The following ZNF320 variants were observed in gnomAD, a reference collection of about 807,000 sequenced individuals.
ZNF320 encodes zinc finger protein 320.
A neutral mutation model predicts 6.8 loss-of-function variants in ZNF320; 2 were observed. That is an observed-to-expected ratio of 0.29 (90% CI 0.12 to 0.93). The LOEUF (loss-of-function observed/expected upper bound fraction) is 0.93, where lower values mean the gene tolerates loss of function less well. Ranked by LOEUF, ZNF320 falls within the 40% of genes least tolerant of loss-of-function variation. The pLI, the probability that ZNF320 is intolerant of heterozygous loss-of-function variation, is 0.55. For synonymous variants in ZNF320, 208 were observed against 203.2 expected, an observed-to-expected ratio of 1.02 and a Z score of -0.20; for missense variants, 472 against 611.0, an observed-to-expected ratio of 0.77 and a Z score of 2.40.
exon 6 of ZNF320, chr19:52,864,106 T>C: frequency 2.9e-6 from 1 of 344,324 alleles, no homozygotes; most frequent in Non-Finnish European, 5.7e-6. Flanking sequence ...GGTCCAGGCG[T>C]TTCCACTCCA....
chr19:52,892,467 G>A (rs1466195306), intron 2 of ZNF320, among the ~76,000 whole-genome samples: 2 of 151,876 alleles, frequency 1.3e-5, no homozygotes, highest in Admixed American at 1.3e-4. Context: ...GAAAACATGG[G>A]TGGCCAGATA....
chr19:52,862,818 T>G (rs1334732053), exon 6 of ZNF320: 1 of 349,660 alleles, frequency 2.9e-6, no homozygotes, highest in African/African-American at 2.1e-5. Flanking sequence ...GAAAACGTTG[T>G]CACATTCTTT....
chr19:52,898,329 A>T (rs2064532822), upstream of ZNF320, among the ~76,000 whole-genome samples: 1 of 152,116 alleles, frequency 6.6e-6, no homozygotes, highest in Admixed American at 6.5e-5. Context: ...CCTCCTGCTT[A>T]AACACAGCAG....
chr19:52,880,614 T>C lies in ZNF320; in HGVS notation c.1512A>G (p.Lys504=), dbSNP rs756197597. Residue 504 remains lysine, a synonymous_variant, in exon 6 of 6, where the codon AAA becomes AAG. Transcript: ENST00000682928. The part of the protein sequence containing the change: ...DNCFKCNEYS[K]PSSIN ...TCTGATGTCAATTAATGCTTGATGG[T>C]TTGCTATACTCATTGCACTTGAAAC... 2.5e-6 allele frequency: 4 copies of C among 1,601,864 alleles called. No individual in the cohort carries two copies. The South Asian group carries it at 3.4e-5, about 14-fold the overall frequency.
Position 52,877,883 on chromosome 19 carries a change from C to G in ZNF320, c.*2713G>C, listed in dbSNP as rs1276787761. On this transcript the variant is annotated 3_prime_UTR_variant, in exon 6 of 6. Transcript: ENST00000682928. Reference sequence around the variant, plus strand: ...AAGATGAGAAAATTTTCAGAAGACTCCATCTCAAAAAAACAAAACAAACAA... The same window carrying G: ...AAGATGAGAAAATTTTCAGAAGACTGCATCTCAAAAAAACAAAACAAACAA... 1 of 152,068 alleles carries G rather than the reference C, an allele frequency of 6.6e-6. No homozygotes were observed. Among genetic ancestry groups the G allele is most frequent in the African/African-American group, 2.4e-5 (1 of 41,394 alleles). 9.4% of individuals were successfully genotyped at this position (152,068 alleles called of 1,614,324 possible).
chr19:52,865,829 TTA>T (rs1275812031), intron 5 of ZNF320, among the ~76,000 whole-genome samples: 3 of 119,602 alleles, frequency 2.5e-5, no homozygotes, highest in Admixed American at 9.3e-5. Flanking sequence ...ACACATATAT[TTA>T]TATATGATTA....
downstream of ZNF320, among the ~76,000 whole-genome samples, chr19:52,875,033 C>T (rs2063741107): frequency 6.6e-6 from 1 of 152,166 alleles, no homozygotes; most frequent in South Asian, 2.1e-4. Context: ...ACATTTTTCT[C>T]CCACACCTCA....
At chr19:52,859,910 CTTTCT>C (rs1373288591), downstream of ZNF320, among the ~76,000 whole-genome samples, 826 of 127,866 alleles carry the variant, frequency 6.5e-3, 9 homozygotes, top group African/African-American at 0.02. Flanking sequence ...TTAAGTTTTT[CTTTCT>C]TTTTTTTTTT....
chr19:52,897,285 G>A (rs1187538645), intron 1 of ZNF320, among the ~76,000 whole-genome samples: 1 of 152,376 alleles, frequency 6.6e-6, no homozygotes, highest in South Asian at 2.1e-4. Context: ...GGGAACCGGG[G>A]TTGAGGCGCG....
chr19:52,892,392 A>G (rs1188982331), intron 2 of ZNF320: 2 of 152,404 alleles, frequency 1.3e-5, no homozygotes, highest in African/African-American at 4.8e-5. Flanking sequence ...CGAACAAACA[A>G]AAAAAGAAAA....
exon 6 of ZNF320, among the ~76,000 whole-genome samples, chr19:52,861,300 G>A (rs1600549274): frequency 6.6e-6 from 1 of 152,128 alleles, no homozygotes; most frequent in East Asian, 1.9e-4. Context: ...AGGAATAAAT[G>A]TAAAGAGGTG....
At chr19:52,882,680 C>T (rs1425773692) in intron 5 of ZNF320, among the ~76,000 whole-genome samples, 4 of 152,266 alleles carry the variant, frequency 2.6e-5, no homozygotes, top group South Asian at 2.1e-4. Flanking sequence ...TGGTGGCTCG[C>T]GCCTGTGATC....
chr19:52,894,526 C>G (rs1209455915), intron 1 of ZNF320, among the ~76,000 whole-genome samples: 1 of 152,046 alleles, frequency 6.6e-6, no homozygotes. Flanking sequence ...AGAAATATGA[C>G]AGTAATACGT....
chr19:52,881,745 A>T lies in ZNF320; in HGVS notation c.381T>A (p.Asp127Glu). 6.2e-7 allele frequency: 1 copy of T among 1,613,982 alleles called. No individual in the cohort carries two copies. The highest frequency in any genetic ancestry group is 1.1e-5 in the South Asian group (1 of 91,076). Residue 127 changes from aspartate (D) to glutamate (E), a missense_variant, in exon 6 of 6, where the codon GAT becomes GAA. By Grantham distance (45) the Asp-to-Glu change is conservative. Transcript: ENST00000682928. ...TAGGCTTGTTTCCAGCATGCCTTTGATCATATCGGTCTGTACTACTAGTCA... is the reference window on the plus strand; with the variant it reads ...TAGGCTTGTTTCCAGCATGCCTTTGTTCATATCGGTCTGTACTACTAGTCA... ...KKLTSSTDRY[D>E]QRHAGNKPIK... is the part of the protein sequence containing the mutation.
At chr19:52,861,004 AAAACAAACAAAC>A (rs142015174) in exon 6 of ZNF320, among the ~76,000 whole-genome samples, 3 of 150,518 alleles carry the variant, frequency 2.0e-5, no homozygotes, top group Non-Finnish European at 2.9e-5. Flanking sequence ...GATTCCGTCA[AAAACAAACAAAC>A]AAACAAACAA....
chr19:52,869,545 T>TGTTTTC (rs2063641760), intron 5 of ZNF320, among the ~76,000 whole-genome samples: 1 of 152,076 alleles, frequency 6.6e-6, no homozygotes, highest in Non-Finnish European at 1.5e-5. Flanking sequence ...CAGGTTTTTT[T>TGTTTTC]TCTTTTTTTG....
chr19:52,902,133 G>T (rs1254197026), upstream of ZNF320, among the ~76,000 whole-genome samples: 4 of 152,088 alleles, frequency 2.6e-5, no homozygotes, highest in Non-Finnish European at 5.9e-5. Context: ...GATGAACAAG[G>T]GCTGACCGAT....
In ZNF320 at chr19:52,881,246, C is replaced by T. The variant is rs1256119493; in HGVS notation, c.880G>A (p.Val294Ile). 4 of 1,613,804 alleles carry T rather than the reference C, an allele frequency of 2.5e-6. No homozygotes were observed. In the South Asian group the frequency reaches 3.3e-5, roughly 13 times the overall value. Residue 294 changes from valine to isoleucine, a missense_variant, in exon 6 of 6, where the codon GTT (valine) becomes ATT (isoleucine). Coordinates refer to ENST00000682928, the MANE Select transcript of ZNF320 (RefSeq NM_001351774.2). ...RNSVLVIHKA[V>I]HTAEKPYKCN... ...TTATAGGGTTTCTCTGCAGTATGAA[C>T]TGCCTTATGAATTACGAGGACTGAA...
upstream of ZNF320, chr19:52,897,637 G>A (rs1600667086): frequency 6.6e-6 from 1 of 152,430 alleles, no homozygotes; most frequent in Non-Finnish European, 1.5e-5. Context: ...ATAAAACAGA[G>A]CGAAACTCAC....
Sources: gnomAD v4.1 joint callset for allele counts (sites outside exome capture counted in the v4.1 genomes callset) on GRCh38, gnomAD v4.1.1 for gene constraint, MANE v1.5 for transcripts, NCBI Gene and HGNC (gene_info 2026-07-23, HGNC 2026-07-21) for gene names.